CTNNA2: variants seen among roughly 807,000 people sequenced by gnomAD.
CTNNA2 encodes the protein catenin alpha-2.
A neutral mutation model predicts 101.0 loss-of-function variants in CTNNA2; 42 were observed. The ratio of observed to expected loss-of-function variants is 0.42; its 90% CI spans 0.32 to 0.54. The LOEUF is 0.54. Ranked by LOEUF, CTNNA2 falls within the 20% of genes least tolerant of loss-of-function variation. CTNNA2 has a pLI of 0.14. For synonymous variants in CTNNA2, 450 were observed against 456.4 expected (o/e 0.99, Z 0.18); for missense variants, 871 against 1,223.1 (o/e 0.71, Z 4.29).
intron 7 of CTNNA2, among the ~76,000 whole-genome samples, chr2:80,110,054 G>T (rs1015075277): frequency 1.3e-5 from 2 of 152,152 alleles, no homozygotes; most frequent in African/African-American, 4.8e-5. Flanking sequence ...AATTTGTATA[G>T]TTATCACTAC....
intron 4 of CTNNA2, chr2:79,866,445 G>A (rs1682106031): frequency 6.6e-6 from 1 of 152,148 alleles, no homozygotes. Flanking sequence ...AATGGGAAAG[G>A]GTATGACAGC....
At chr2:79,853,298 G>C (rs56045815) in intron 3 of CTNNA2, among the ~76,000 whole-genome samples, 3,730 of 152,118 alleles carry the variant, frequency 0.025, 61 homozygotes, top group South Asian at 0.058. Flanking sequence ...GGACTACCCT[G>C]GCAATTTGAT....
At chr2:80,485,483 A>G (rs2149508224) in intron 9 of CTNNA2, among the ~76,000 whole-genome samples, 1 of 152,294 alleles carries the variant, frequency 6.6e-6, no homozygotes, top group Non-Finnish European at 1.5e-5. Flanking sequence ...CAGCCTGACA[A>G]CCTGTTAAAC....
intron 4 of CTNNA2, among the ~76,000 whole-genome samples, chr2:79,407,096 G>A (rs1172434923): frequency 6.6e-6 from 1 of 152,106 alleles, no homozygotes; most frequent in East Asian, 1.9e-4. Context: ...CCGTCCCAAT[G>A]TATAACCCTG....
At chr2:79,442,438 T>C (rs772462925) in intron 4 of CTNNA2, among the ~76,000 whole-genome samples, 17 of 152,196 alleles carry the variant, frequency 1.1e-4, no homozygotes, top group Non-Finnish European at 2.4e-4. Context: ...CCTATGTTTC[T>C]TTGCTCTGCT....
At chr2:79,446,086 A>G (rs1381904770) in intron 4 of CTNNA2, among the ~76,000 whole-genome samples, 3 of 152,092 alleles carry the variant, frequency 2.0e-5, no homozygotes, top group Non-Finnish European at 4.4e-5. Context: ...TCAACTACTG[A>G]CAGGGTGTAA....
intron 2 of CTNNA2, among the ~76,000 whole-genome samples, chr2:79,655,293 A>C (rs984173081): frequency 2.0e-5 from 3 of 152,200 alleles, no homozygotes; most frequent in African/African-American, 7.2e-5. Flanking sequence ...AGAATACAGT[A>C]CCTGGTATAA....
At chr2:79,408,344 TA>T (rs1330123016) in intron 4 of CTNNA2, among the ~76,000 whole-genome samples, 4 of 151,468 alleles carry the variant, frequency 2.6e-5, no homozygotes, top group Non-Finnish European at 5.9e-5. Flanking sequence ...AGGGTACATG[TA>T]CACAATGTGC....
At chr2:80,294,984 A>G (rs1390785396) in intron 7 of CTNNA2, among the ~76,000 whole-genome samples, 1 of 152,198 alleles carries the variant, frequency 6.6e-6, no homozygotes, top group African/African-American at 2.4e-5. Flanking sequence ...CTTGAGTAGC[A>G]TAAAACACAG....
chr2:79,500,369 G>A lies in CTNNA2; in HGVS notation c.-134-4685G>A, dbSNP rs79095387. 0.012 allele frequency among the ~76,000 whole-genome samples: 1,767 copies of A among 152,078 alleles called. 90 individuals are homozygous for A. The East Asian group carries it at 0.14, about 12-fold the overall frequency. ...TATTCTTGTTTACCACCATTTCTAT[G>A]GGATACAAACAGTAATTATATAGTA... On this transcript the variant is annotated intron_variant, in intron 4 of 21. Transcript: ENST00000466387.
At chr2:79,659,245 ACTTT>A (rs1473900900) in intron 2 of CTNNA2, among the ~76,000 whole-genome samples, 10 of 148,256 alleles carry the variant, frequency 6.7e-5, no homozygotes, top group Non-Finnish European at 5.9e-5. Context: ...TACACCATAC[ACTTT>A]CTTATAGAAT....
In CTNNA2 at chr2:79,802,066, A is replaced by G. The variant is rs576808492; in HGVS notation, c.299-55947A>G. Among the ~76,000 whole-genome samples, 6 of 152,150 alleles carry G rather than the reference A, an allele frequency of 3.9e-5. No individual in the cohort carries two copies. The East Asian group carries it at 1.2e-3, about 29-fold the overall frequency. On this transcript the variant is annotated intron_variant, in intron 3 of 18. Coordinates refer to ENST00000402739, the MANE Select transcript of CTNNA2 (RefSeq NM_001282597.3). ...ATTCCGATACAAAAGAAAAGGCAGAAGCTTCTGAGCTTCTGACTCCTCTTC... is the reference window on the plus strand; with the variant it reads ...ATTCCGATACAAAAGAAAAGGCAGAGGCTTCTGAGCTTCTGACTCCTCTTC...
At chr2:80,600,261 G>T (rs938258281) in intron 15 of CTNNA2, among the ~76,000 whole-genome samples, 1 of 151,806 alleles carries the variant, frequency 6.6e-6, no homozygotes, top group Non-Finnish European at 1.5e-5. Context: ...TAAAATTTTA[G>T]AATAAAATGG....
intron 7 of CTNNA2, among the ~76,000 whole-genome samples, chr2:80,045,888 C>T (rs894023678): frequency 6.6e-6 from 1 of 151,966 alleles, no homozygotes; most frequent in Non-Finnish European, 1.5e-5. Flanking sequence ...GTTTAATCAA[C>T]CTCGACAGTC....
At chr2:80,202,578 A>G (rs931941704) in intron 7 of CTNNA2, among the ~76,000 whole-genome samples, 4 of 152,198 alleles carry the variant, frequency 2.6e-5, no homozygotes, top group African/African-American at 9.7e-5. Flanking sequence ...TCTCTTTTAC[A>G]CAACTCAGTA....
intron 4 of CTNNA2, among the ~76,000 whole-genome samples, chr2:79,407,210 C>T (rs1437674296): frequency 6.6e-6 from 1 of 151,970 alleles, no homozygotes; most frequent in Non-Finnish European, 1.5e-5. Flanking sequence ...TTAGAGTTGC[C>T]AACTTTGCAA....
At chr2:79,848,545 C>T (rs1680421814) in intron 3 of CTNNA2, among the ~76,000 whole-genome samples, 1 of 152,166 alleles carries the variant, frequency 6.6e-6, no homozygotes, top group Admixed American at 6.5e-5. Context: ...ACCCTCTTCT[C>T]CCAACCCAGG....
chr2:80,187,103 T>C (rs1573336139), intron 7 of CTNNA2, among the ~76,000 whole-genome samples: 1 of 152,376 alleles, frequency 6.6e-6, no homozygotes, highest in East Asian at 1.9e-4. Flanking sequence ...TTATGGCCCA[T>C]TCTGCAATTG....
chr2:79,649,209 A>G (rs6753661), intron 1 of CTNNA2: 3,761 of 154,724 alleles, frequency 0.024, 131 homozygotes, highest in African/African-American at 0.078. Flanking sequence ...TAAAAGTTAC[A>G]TAATGGAACA....
Sources: allele counts gnomAD v4.1 joint callset (sites outside exome capture counted in the v4.1 genomes callset), GRCh38; gene constraint gnomAD v4.1.1; transcripts MANE v1.5; gene names NCBI Gene and HGNC (gene_info 2026-07-23, HGNC 2026-07-21).